The following CACYBP variants were observed in gnomAD, a reference collection of about 807,000 sequenced individuals.
CACYBP encodes the protein calcyclin binding protein, also known as calcyclin-binding protein.
Under a neutral mutation model 29.6 loss-of-function variants are expected in CACYBP, and 11 were observed. The observed-to-expected ratio is 0.37, with a 90% CI of 0.23 to 0.61. CACYBP has a LOEUF of 0.61. CACYBP is among the 20% of genes least tolerant of loss of function. The pLI, the probability that CACYBP is intolerant of heterozygous loss-of-function variation, is 0.65. For synonymous variants in CACYBP, 73 were observed against 88.3 expected, an observed-to-expected ratio of 0.83 and a Z score of 0.97; for missense variants, 163 against 260.7, an observed-to-expected ratio of 0.63 and a Z score of 2.58.
intron 2 of CACYBP, 85 bp downstream of exon 2, chr1:175,004,918 T>C (rs1037733071): frequency 3.3e-6 from 3 of 915,538 alleles, no homozygotes; most frequent in East Asian, 4.9e-5. Flanking sequence ...CCAATGAGTT[T>C]TGAGTCTGTG....
chr1:175,003,319 G>C (rs910053833), intron 1 of CACYBP, among the ~76,000 whole-genome samples: 1 of 152,058 alleles, frequency 6.6e-6, no homozygotes, highest in African/African-American at 2.4e-5. Context: ...GGCTTTCGCC[G>C]TGTTGGTCAT....
At position 175,004,622 on chromosome 1, in the gene CACYBP, A is replaced by G. The variant is rs547242422; in HGVS notation, c.24A>G (p.Lys8=). ...TTTTTGTCTTAACACAGCTACAGAA[A>G]GATCTAGAAGAGGTAAAGGTGTTGC... The part of the protein sequence containing the change: MASEELQ[K]DLEEVKVLLE... Residue 8 remains lysine (K), a synonymous_variant, in exon 2 of 6, where the codon AAA becomes AAG. Transcript: ENST00000367679. The G allele has an allele frequency of 1.3e-5, 20 of 1,583,860 alleles. No homozygotes were observed. In the South Asian group the frequency reaches 2.2e-4, roughly 17 times the overall value.
intron 5 of CACYBP, 113 bp from the exon 6 acceptor site, chr1:175,009,810 G>T: frequency 1.4e-6 from 1 of 716,206 alleles, no homozygotes; most frequent in South Asian, 2.2e-5. Flanking sequence ...AATATCTTTG[G>T]GTACTCTGTC....
At chr1:175,005,593 T>A (rs1267460218) in intron 2 of CACYBP, among the ~76,000 whole-genome samples, 1 of 152,170 alleles carries the variant, frequency 6.6e-6, no homozygotes, top group African/African-American at 2.4e-5. Context: ...GCAGAGAATG[T>A]GAATAGAGAG....
At chr1:175,008,478 G>T (rs1672670791) in intron 4 of CACYBP, 131 bp from the exon 5 acceptor site, 1 of 569,250 alleles carries the variant, frequency 1.8e-6, no homozygotes, top group Non-Finnish European at 3.2e-6. Context: ...ATTCATACAA[G>T]TATTACTGGC....
At chr1:175,005,024 A>G in intron 2 of CACYBP, 191 bp downstream of exon 2, 1 of 614,428 alleles carries the variant, frequency 1.6e-6, no homozygotes, top group Non-Finnish European at 2.9e-6. Flanking sequence ...GCTGTTAACA[A>G]GAGTAAGGTG....
chr1:175,008,053 A>G (rs1427683558), intron 4 of CACYBP, among the ~76,000 whole-genome samples: 2 of 152,198 alleles, frequency 1.3e-5, no homozygotes, highest in African/African-American at 2.4e-5. Context: ...TAGAGTACCA[A>G]AAGATCCCTA....
In CACYBP at chr1:175,010,009, T is replaced by C; in HGVS notation, c.617T>C (p.Met206Thr). The change falls in exon 6 of 6, where the codon ATG (methionine) becomes ACG (threonine). Residue 206 changes from methionine (M) to threonine (T), a missense_variant. By Grantham distance (81) the Met-to-Thr change is moderately conservative. Coordinates refer to ENST00000367679, the MANE Select transcript of CACYBP (RefSeq NM_014412.3). The part of the protein sequence containing the change: ...KKIYEDGDDD[M>T]KRTINKAWVE... ...ATTTATGAAGATGGAGACGATGATA[T>C]GAAGCGAACCATTAATAAAGCCTGG... is the stretch of plus-strand genomic sequence containing the variant. 1 of 1,613,688 alleles carries C rather than the reference T, an allele frequency of 6.2e-7. No homozygotes were observed. Among genetic ancestry groups the C allele is most frequent in the Non-Finnish European group, 8.5e-7 (1 of 1,179,644 alleles).
chr1:174,999,944 C>G (rs1036452143), upstream of CACYBP: 2 of 585,944 alleles, frequency 3.4e-6, no homozygotes, highest in South Asian at 2.0e-5. Context: ...TGGAGCCAGG[C>G]TTGGCGGGCT....
chr1:175,011,949 A>T lies in CACYBP; in HGVS notation c.*1870A>T, dbSNP rs1476810701. ...GAAACCCTGTCTCTACTGAAAATAA[A>T]AAAAACTAGCTGGGCATGGTGGCAG... On this transcript the variant is annotated 3_prime_UTR_variant, in exon 6 of 6. Transcript: ENST00000367679. Among the ~76,000 whole-genome samples the T allele has an allele frequency of 6.6e-6, 1 of 152,188 alleles. No individual in the cohort carries two copies. Among genetic ancestry groups the T allele is most frequent in the Non-Finnish European group, 1.5e-5 (1 of 68,038 alleles).
upstream of CACYBP, chr1:174,999,897 G>C (rs1414660903): frequency 7.7e-6 from 4 of 521,416 alleles, no homozygotes; most frequent in Non-Finnish European, 1.0e-5. Flanking sequence ...GGGCGGGGAG[G>C]GGTGGGGCTA....
chr1:175,006,534 C>G (rs1240337569), intron 2 of CACYBP: 1 of 370,116 alleles, frequency 2.7e-6, no homozygotes, highest in African/African-American at 2.1e-5. Context: ...AATTCTACCA[C>G]TTGTTAGATG....
At chr1:175,006,866 GAC>G (rs1558325634) in intron 3 of CACYBP, 25 bp downstream of exon 3, 2 of 1,253,406 alleles carry the variant, frequency 1.6e-6, no homozygotes, top group Non-Finnish European at 2.3e-6. Flanking sequence ...TAATGGGAAA[GAC>G]AGTGAATTAA....
At position 175,004,911 on chromosome 1, in the gene CACYBP, A is replaced by G. The variant is rs61262018; in HGVS notation, c.235+78A>G. The G allele has an allele frequency of 1.4e-4, 136 of 946,026 alleles. No individual in the cohort carries two copies. In the African/African-American group the frequency reaches 1.7e-3, roughly 12 times the overall value. 58.6% of individuals were successfully genotyped at this position (946,026 alleles called of 1,614,324 possible). Reference sequence around the variant, plus strand: ...TAGTGGTCTAACAAATTCATCCCCAATGAGTTTTGAGTCTGTGTTTTTGGT... The same window carrying G: ...TAGTGGTCTAACAAATTCATCCCCAGTGAGTTTTGAGTCTGTGTTTTTGGT... On this transcript the variant is annotated intron_variant, in intron 2 of 5. Coordinates refer to ENST00000367679, the MANE Select transcript of CACYBP (RefSeq NM_014412.3).
At chr1:175,006,261 C>T (rs369104187) in intron 2 of CACYBP, among the ~76,000 whole-genome samples, 1 of 152,264 alleles carries the variant, frequency 6.6e-6, no homozygotes, top group East Asian at 1.9e-4. Context: ...CTTTTACATT[C>T]TACTTTGCCC....
At chr1:175,006,995 C>T in intron 3 of CACYBP, 103 bp from the exon 4 acceptor site, 1 of 887,010 alleles carries the variant, frequency 1.1e-6, no homozygotes, top group Non-Finnish European at 1.8e-6. Context: ...TGGCCAAATG[C>T]ACACCCTGAA....
chr1:175,001,202 G>C (rs1018898350), intron 1 of CACYBP, among the ~76,000 whole-genome samples: 3 of 152,168 alleles, frequency 2.0e-5, no homozygotes, highest in African/African-American at 7.2e-5. Flanking sequence ...TGTGCCCCTA[G>C]GAGATAACTT....
intron 1 of CACYBP, chr1:175,000,734 A>G (rs936859760): frequency 4.5e-6 from 2 of 446,246 alleles, no homozygotes. Context: ...GTTAAAAAAT[A>G]TGATTTCTAG....
chr1:175,000,627 TCTC>T (rs1672452375), intron 1 of CACYBP: 1 of 1,033,770 alleles, frequency 9.7e-7, no homozygotes, highest in African/African-American at 1.7e-5. Context: ...GCACTTGAAT[TCTC>T]CTAGTCAGGT....
Sources: allele counts gnomAD v4.1 joint callset (sites outside exome capture counted in the v4.1 genomes callset), GRCh38; gene constraint gnomAD v4.1.1; transcripts MANE v1.5; gene names NCBI Gene and HGNC (gene_info 2026-07-23, HGNC 2026-07-21).